The following SCAF4 variants were observed in gnomAD, a reference collection of about 807,000 sequenced individuals.
SCAF4 encodes the protein SR-related CTD associated factor 4.
A neutral mutation model predicts 129.8 loss-of-function variants in SCAF4; 25 were observed. The observed-to-expected ratio is 0.19, with a 90% CI of 0.14 to 0.27. The LOEUF is 0.27. Among genes scored for constraint, SCAF4 ranks in the 10% least tolerant of loss-of-function variants. The pLI is 1.00. For synonymous variants in SCAF4, 551 were observed against 497.7 expected, an observed-to-expected ratio of 1.11 and a Z score of -1.43; for missense variants, 1,246 against 1,457.1, an observed-to-expected ratio of 0.86 and a Z score of 2.36.
intron 1 of SCAF4, among the ~76,000 whole-genome samples, chr21:31,709,766 G>A (rs772896393): frequency 1.3e-5 from 2 of 151,664 alleles, no homozygotes; most frequent in Non-Finnish European, 2.9e-5. Flanking sequence ...GCTTTACCAG[G>A]CAGCAATGAG....
chr21:31,717,261 T>C (rs1241668547), intron 1 of SCAF4, among the ~76,000 whole-genome samples: 1 of 152,192 alleles, frequency 6.6e-6, no homozygotes, highest in Non-Finnish European at 1.5e-5. Flanking sequence ...AATTATTAGA[T>C]ATTCTCAAAT....
intron 15 of SCAF4, among the ~76,000 whole-genome samples, chr21:31,690,491 T>G (rs1005929958): frequency 1.3e-5 from 2 of 150,880 alleles, no homozygotes; most frequent in African/African-American, 4.9e-5. Flanking sequence ...AAAAAATAAA[T>G]AAAAAAAAAC....
intron 19 of SCAF4, among the ~76,000 whole-genome samples, chr21:31,678,614 C>CG (rs1352757552): frequency 6.6e-6 from 1 of 152,144 alleles, no homozygotes; most frequent in Non-Finnish European, 1.5e-5. Flanking sequence ...TCTCTAAGCT[C>CG]ATCTCCTGCC....
In SCAF4 at chr21:31,672,213, G is replaced by A. The variant is rs762394023; in HGVS notation, c.2630C>T (p.Pro877Leu). 52 of 1,609,362 alleles carry A rather than the reference G, an allele frequency of 3.2e-5. No individual in the cohort carries two copies. Among genetic ancestry groups the A allele is most frequent in the Non-Finnish European group, 4.1e-5 (48 of 1,177,576 alleles). The change falls in exon 20 of 20, where the codon CCG becomes CTG. Residue 877 changes from proline (P) to leucine (L), a missense_variant. Transcript: ENST00000286835. Reference sequence around the variant, plus strand: ...CATGTGCGGTGGCATGGGACGGGGCGGCATCAAAGGGAACCGCTGTAAGTG... The same window carrying A: ...CATGTGCGGTGGCATGGGACGGGGCAGCATCAAAGGGAACCGCTGTAAGTG... ...PPHLQRFPLM[P>L]PRPMPPHMMH...
chr21:31,726,490 C>T (rs538755643), intron 1 of SCAF4, among the ~76,000 whole-genome samples: 4 of 152,194 alleles, frequency 2.6e-5, no homozygotes, highest in South Asian at 2.1e-4. Context: ...AGCCAAACCC[C>T]GTGTCTACCG....
At chr21:31,674,705 G>C (rs771304830) in intron 19 of SCAF4, among the ~76,000 whole-genome samples, 16 of 152,120 alleles carry the variant, frequency 1.1e-4, no homozygotes, top group Non-Finnish European at 2.2e-4. Flanking sequence ...GAGTTACCCA[G>C]GTGAAAAGGG....
intron 1 of SCAF4, among the ~76,000 whole-genome samples, chr21:31,707,153 T>TG (rs1162126501): frequency 2.0e-5 from 3 of 152,060 alleles, no homozygotes; most frequent in African/African-American, 7.2e-5. Context: ...ATTCCATAGA[T>TG]GGGGGGGTTA....
At chr21:31,719,554 G>C (rs1374860790) in intron 1 of SCAF4, among the ~76,000 whole-genome samples, 1 of 151,942 alleles carries the variant, frequency 6.6e-6, no homozygotes, top group South Asian at 2.1e-4. Context: ...GCCCAGGCTG[G>C]AATGCAATGG....
intron 1 of SCAF4, among the ~76,000 whole-genome samples, chr21:31,723,833 C>T (rs189367028): frequency 3.5e-4 from 54 of 152,238 alleles, no homozygotes; most frequent in African/African-American, 1.2e-3. Flanking sequence ...GGATTTACAC[C>T]AAGAATCATC....
At chr21:31,684,516 A>G (rs993380785) in intron 19 of SCAF4, 1 of 153,746 alleles carries the variant, frequency 6.5e-6, no homozygotes, top group Non-Finnish European at 1.4e-5. Flanking sequence ...GTGGTACCTC[A>G]GGCTGCGCAA....
At chr21:31,694,076 A>G in intron 11 of SCAF4, 128 bp downstream of exon 11, 1 of 569,072 alleles carries the variant, frequency 1.8e-6, no homozygotes, top group Non-Finnish European at 3.1e-6. Flanking sequence ...CTACACACAT[A>G]TACAAATACA....
chr21:31,710,888 T>G (rs1169521667), intron 1 of SCAF4, among the ~76,000 whole-genome samples: 1 of 152,226 alleles, frequency 6.6e-6, no homozygotes, highest in African/African-American at 2.4e-5. Context: ...TCTGAGAGCT[T>G]AGTAAGTGGC....
chr21:31,700,630 G>C (rs1255203973), intron 7 of SCAF4: 2 of 276,732 alleles, frequency 7.2e-6, no homozygotes, highest in African/African-American at 4.6e-5. Flanking sequence ...AGAAAAGCAT[G>C]TATCTGTAGG....
Position 31,702,280 on chromosome 21 carries a change from C to T in SCAF4, c.421G>A (p.Ala141Thr), listed in dbSNP as rs2050551744. 2 of 1,614,014 alleles carry T rather than the reference C, an allele frequency of 1.2e-6. No homozygotes were observed. Among genetic ancestry groups the T allele is most frequent in the Admixed American group, 1.7e-5 (1 of 59,998 alleles). ...LLDMAAGTSN[A>T]APVAENVTNN... is the part of the protein sequence containing the mutation. ...GTAACATTTTCTGCTACTGGGGCTG[C>T]ATTACTGGTTCCCGCTGCCATGTCC... Residue 141 changes from alanine to threonine, a missense_variant, in exon 5 of 20, where the codon GCA (alanine) becomes ACA (threonine). By Grantham distance (58) the Ala-to-Thr change is moderately conservative. Transcript: ENST00000286835.
intron 1 of SCAF4, among the ~76,000 whole-genome samples, chr21:31,727,859 T>A (rs1035386637): frequency 8.5e-5 from 13 of 152,280 alleles, no homozygotes; most frequent in African/African-American, 3.1e-4. Context: ...CATTCAGAAG[T>A]ATATAAACTA....
intron 15 of SCAF4, among the ~76,000 whole-genome samples, chr21:31,690,439 T>G (rs1337787665): frequency 6.6e-6 from 1 of 151,926 alleles, no homozygotes; most frequent in African/African-American, 2.4e-5. Flanking sequence ...GACCCAAGAT[T>G]GCATCACTAC....
chr21:31,719,228 T>C (rs966122403), intron 1 of SCAF4, among the ~76,000 whole-genome samples: 4 of 151,932 alleles, frequency 2.6e-5, no homozygotes, highest in Non-Finnish European at 5.9e-5. Flanking sequence ...AGGTGGAGAT[T>C]GCGGTCAGCC....
At chr21:31,725,272 A>G (rs1417481447) in intron 1 of SCAF4, among the ~76,000 whole-genome samples, 1 of 152,188 alleles carries the variant, frequency 6.6e-6, no homozygotes, top group Non-Finnish European at 1.5e-5. Context: ...CAGGTTAAAA[A>G]AAAAATACTT....
chr21:31,728,948 C>T (rs1339717809), intron 1 of SCAF4, among the ~76,000 whole-genome samples: 3 of 152,152 alleles, frequency 2.0e-5, no homozygotes, highest in Non-Finnish European at 4.4e-5. Flanking sequence ...ACAAAAGGTG[C>T]TTATAAACCT....
Sources: gnomAD v4.1 joint callset for allele counts (sites outside exome capture counted in the v4.1 genomes callset) on GRCh38, gnomAD v4.1.1 for gene constraint, MANE v1.5 for transcripts, NCBI Gene and HGNC (gene_info 2026-07-23, HGNC 2026-07-21) for gene names.